Variants in YEATS2 observed in about 807,000 individuals in gnomAD.
YEATS2 encodes YEATS domain-containing protein 2.
YEATS2 carries 77 observed loss-of-function variants against 163.2 expected under a neutral mutation model. That is an observed-to-expected ratio of 0.47 (90% CI 0.39 to 0.57). The LOEUF is 0.57. YEATS2 is among the 20% of genes least tolerant of loss of function. The probability of loss-of-function intolerance (pLI) is 0.00; values close to 1 mark genes in which losing one functional copy is unlikely to be tolerated. For synonymous variants in YEATS2, 631 were observed against 645.1 expected (o/e 0.98, Z 0.33); for missense variants, 1,549 against 1,729.8 (o/e 0.90, Z 1.85).
chr3:183,803,135 C>A, intron 25 of YEATS2, 121 bp from the exon 26 acceptor site: 1 of 1,009,310 alleles, frequency 9.9e-7, no homozygotes, highest in Non-Finnish European at 1.5e-6. Flanking sequence ...TGAGCTTGCC[C>A]AGTAAGGAAC....
intron 19 of YEATS2, among the ~76,000 whole-genome samples, chr3:183,782,789 G>GT (rs1281291397): frequency 6.6e-6 from 1 of 152,066 alleles, no homozygotes; most frequent in Non-Finnish European, 1.5e-5. Flanking sequence ...TTATTTCCAG[G>GT]TTTTTTTGTT....
chr3:183,716,689 T>A (rs1191110158), intron 2 of YEATS2, among the ~76,000 whole-genome samples: 2 of 152,162 alleles, frequency 1.3e-5, no homozygotes, highest in African/African-American at 4.8e-5. Context: ...AGTGATTGTT[T>A]TAATAACACT....
intron 8 of YEATS2, among the ~76,000 whole-genome samples, chr3:183,741,208 G>A (rs1001990813): frequency 6.6e-6 from 1 of 152,092 alleles, no homozygotes; most frequent in Non-Finnish European, 1.5e-5. Flanking sequence ...CAAAGTGCTG[G>A]AATTACAGGC....
intron 8 of YEATS2, among the ~76,000 whole-genome samples, chr3:183,737,755 T>C (rs1047509104): frequency 2.6e-5 from 4 of 152,344 alleles, no homozygotes; most frequent in Non-Finnish European, 1.5e-5. Context: ...AATTATATCT[T>C]ATGAAGTGTT....
At chr3:183,734,992 G>A (rs1289651054) in intron 7 of YEATS2, among the ~76,000 whole-genome samples, 1 of 152,114 alleles carries the variant, frequency 6.6e-6, no homozygotes, top group African/African-American at 2.4e-5. Context: ...GTAGGTCTTA[G>A]ATTCTTTTTT....
At chr3:183,796,186 CAG>C (rs1491180036) in intron 21 of YEATS2, among the ~76,000 whole-genome samples, 1 of 129,142 alleles carries the variant, frequency 7.7e-6, no homozygotes, top group Non-Finnish European at 1.6e-5. Context: ...TTAGTAGAGA[CAG>C]GGTTTCACCA....
At chr3:183,761,987 A>G (rs551454602) in intron 14 of YEATS2, 110 bp from the exon 15 acceptor site, 5 of 1,411,658 alleles carry the variant, frequency 3.5e-6, no homozygotes, top group African/African-American at 2.8e-5. Flanking sequence ...TTACGTATCA[A>G]GTTTCATCAA....
At chr3:183,744,606 C>G (rs1416958010) in intron 8 of YEATS2, among the ~76,000 whole-genome samples, 2 of 152,190 alleles carry the variant, frequency 1.3e-5, no homozygotes, top group East Asian at 3.9e-4. Context: ...TAAAATGTTT[C>G]CTACCAGTTT....
intron 19 of YEATS2, among the ~76,000 whole-genome samples, chr3:183,784,122 A>C (rs973161554): frequency 6.6e-6 from 1 of 151,690 alleles, no homozygotes; most frequent in African/African-American, 2.4e-5. Flanking sequence ...CTGGTCTTGA[A>C]CTCCTGGGCT....
At chr3:183,787,439 T>G (rs1487986907) in intron 20 of YEATS2, among the ~76,000 whole-genome samples, 1 of 152,178 alleles carries the variant, frequency 6.6e-6, no homozygotes, top group East Asian at 1.9e-4. Context: ...TCATTGTGGT[T>G]TTGATTTGCG....
rs1726405162 is a variant in YEATS2, at chr3:183,808,083, G to A, written c.4065G>A (p.Val1355=). 1 of 1,557,090 alleles carries A rather than the reference G, an allele frequency of 6.4e-7. No homozygotes were observed. Among genetic ancestry groups the A allele is most frequent in the Non-Finnish European group, 8.7e-7 (1 of 1,149,842 alleles). ...TCCACAGGAACGTGTATGCGTCCGT[G>A]GTGGAGGACATGATCCTGAAGGTGG... ...VALHRNVYAS[V]VEDMILKATE... is the part of the protein sequence containing the mutation. The change falls in exon 29 of 31, where the codon GTG becomes GTA. Residue 1355 remains valine (V), a synonymous_variant. Coordinates refer to ENST00000305135, the MANE Select transcript of YEATS2 (RefSeq NM_018023.5).
At chr3:183,701,909 G>A (rs1369226486) in intron 1 of YEATS2, among the ~76,000 whole-genome samples, 1 of 152,054 alleles carries the variant, frequency 6.6e-6, no homozygotes, top group African/African-American at 2.4e-5. Context: ...CCTCAGACAA[G>A]CAGGATAAAC....
At chr3:183,735,644 A>G (rs1718255745) in intron 7 of YEATS2, among the ~76,000 whole-genome samples, 1 of 151,468 alleles carries the variant, frequency 6.6e-6, no homozygotes, top group African/African-American at 2.4e-5. Flanking sequence ...CACTCACTCA[A>G]TTCAGTTTTC....
chr3:183,745,186 T>C (rs2109235577), intron 8 of YEATS2, among the ~76,000 whole-genome samples: 1 of 152,342 alleles, frequency 6.6e-6, no homozygotes, highest in South Asian at 2.1e-4. Flanking sequence ...TTTTGCTGTC[T>C]CCTGATAGGC....
At chr3:183,709,643 C>G (rs916996091) in intron 1 of YEATS2, among the ~76,000 whole-genome samples, 11 of 145,350 alleles carry the variant, frequency 7.6e-5, no homozygotes, top group African/African-American at 2.8e-4. Context: ...CCCACATTTA[C>G]TTTTTATAAT....
intron 1 of YEATS2, among the ~76,000 whole-genome samples, chr3:183,701,212 G>C (rs958673490): frequency 6.6e-6 from 1 of 151,424 alleles, no homozygotes; most frequent in South Asian, 2.1e-4. Flanking sequence ...TCCTGGGTAG[G>C]TGGGACTACA....
intron 8 of YEATS2, among the ~76,000 whole-genome samples, chr3:183,737,937 CAT>C (rs1406155768): frequency 6.6e-6 from 1 of 152,176 alleles, no homozygotes; most frequent in East Asian, 1.9e-4. Context: ...TTTCCAACAT[CAT>C]GTGCTCATTT....
chr3:183,799,081 G>A (rs552170267), intron 23 of YEATS2, 92 bp downstream of exon 23: 7 of 938,020 alleles, frequency 7.5e-6, no homozygotes, highest in East Asian at 7.2e-5. Flanking sequence ...AGCTTTATGC[G>A]GGACATTACC....
At chr3:183,719,343 G>C (rs1451545513) in intron 4 of YEATS2, among the ~76,000 whole-genome samples, 3 of 151,726 alleles carry the variant, frequency 2.0e-5, no homozygotes, top group African/African-American at 7.3e-5. Flanking sequence ...CTCCATGTTG[G>C]TCAGGCTGGT....
Sources: gnomAD v4.1 joint callset for allele counts (sites outside exome capture counted in the v4.1 genomes callset) on GRCh38, gnomAD v4.1.1 for gene constraint, MANE v1.5 for transcripts, NCBI Gene and HGNC (gene_info 2026-07-23, HGNC 2026-07-21) for gene names.